Variants in ABCA4 observed in about 807,000 individuals in gnomAD.
The protein encoded by ABCA4 is retinal-specific phospholipid-transporting ATPase ABCA4.
ABCA4 carries 196 observed loss-of-function variants against 263.7 expected under a neutral mutation model. The observed-to-expected ratio is 0.74, with a 90% CI of 0.66 to 0.84. The LOEUF is 0.84. Ranked by LOEUF, ABCA4 falls within the 40% of genes least tolerant of loss-of-function variation. The pLI, the probability that ABCA4 is intolerant of heterozygous loss-of-function variation, is 0.00. For synonymous variants in ABCA4, 1,133 were observed against 1,094.2 expected (o/e 1.04, Z -0.70); for missense variants, 2,792 against 2,855.1 (o/e 0.98, Z 0.50).
At position 94,019,562 on chromosome 1, in the gene ABCA4, C is replaced by A. The variant is rs55715124; in HGVS notation, c.5196+20G>T. On this transcript the variant is annotated intron_variant, in intron 36 of 49. Coordinates refer to ENST00000370225, the MANE Select transcript of ABCA4 (RefSeq NM_000350.3). ...CTTGGGCCCACGGAGGGGAGGGAGG[C>A]GCTGTAAACTGACACTTACGATGTC... 16 of 1,584,026 alleles carry A rather than the reference C, an allele frequency of 1.0e-5. No individual in the cohort carries two copies. The highest frequency in any genetic ancestry group is 1.3e-5 in the African/African-American group (1 of 74,140).
At chr1:94,073,048 T>C (rs927740779) in intron 11 of ABCA4, among the ~76,000 whole-genome samples, 1 of 152,108 alleles carries the variant, frequency 6.6e-6, no homozygotes, top group African/African-American at 2.4e-5. Flanking sequence ...AGCAACATCC[T>C]TGCTTTCAGA....
In ABCA4 at chr1:94,055,322, T is replaced by C. The variant is rs771054286; in HGVS notation, c.2383-7A>G. ...CCACCGGAGACAGTAAGCTCTGCAGTGAGGCGGAGAGGGCACAGAAAAAGA... is the reference window on the plus strand; with the variant it reads ...CCACCGGAGACAGTAAGCTCTGCAGCGAGGCGGAGAGGGCACAGAAAAAGA... On this transcript the variant is annotated splice_region_variant and splice_polypyrimidine_tract_variant and intron_variant, in intron 15 of 49. Transcript: ENST00000370225. 2 of 1,612,326 alleles carry C rather than the reference T, an allele frequency of 1.2e-6. No homozygotes were observed. Among genetic ancestry groups the C allele is most frequent in the Non-Finnish European group, 1.7e-6 (2 of 1,179,452 alleles).
chr1:94,005,782 A>G (rs767316055), intron 43 of ABCA4, among the ~76,000 whole-genome samples, 200 bp from the exon 44 acceptor site: 1 of 152,226 alleles, frequency 6.6e-6, no homozygotes, highest in Non-Finnish European at 1.5e-5. Context: ...AGATTCTTCC[A>G]TGTTTCCATG....
At chr1:94,045,235 T>C (rs1228225397) in intron 19 of ABCA4, among the ~76,000 whole-genome samples, 2 of 152,130 alleles carry the variant, frequency 1.3e-5, no homozygotes, top group South Asian at 4.2e-4. Flanking sequence ...TGCTGATTAA[T>C]TGATCGAAGC....
intron 26 of ABCA4, 61 bp from the exon 27 acceptor site, chr1:94,032,104 C>T (rs1393444272): frequency 7.5e-6 from 12 of 1,591,418 alleles, no homozygotes; most frequent in Non-Finnish European, 1.0e-5. Flanking sequence ...ATCTCTAATG[C>T]CATTTTTTTT....
chr1:94,036,082 T>G (rs1039081815), intron 26 of ABCA4, among the ~76,000 whole-genome samples: 2 of 152,058 alleles, frequency 1.3e-5, no homozygotes, highest in South Asian at 2.1e-4. Context: ...CTGCCAGCTG[T>G]CACTCATGCA....
intron 11 of ABCA4, among the ~76,000 whole-genome samples, chr1:94,071,856 GAAAT>G (rs1231861284): frequency 6.6e-6 from 1 of 152,186 alleles, no homozygotes; most frequent in African/African-American, 2.4e-5. Flanking sequence ...CATGGCTCTT[GAAAT>G]AATATTGTTT....
In ABCA4 at chr1:94,084,415, T is replaced by C. The variant is rs17111021; in HGVS notation, c.769-974A>G. On this transcript the variant is annotated intron_variant, in intron 6 of 49. Coordinates refer to ENST00000370225, the MANE Select transcript of ABCA4 (RefSeq NM_000350.3). Reference sequence around the variant, plus strand: ...CCAGCACAGTTCTCCTAAATGATCATTGGGCTGACCTAACTTGCATCAGTG... The same window carrying C: ...CCAGCACAGTTCTCCTAAATGATCACTGGGCTGACCTAACTTGCATCAGTG... 7.1e-3 allele frequency among the ~76,000 whole-genome samples: 1,080 copies of C among 152,328 alleles called. 13 individuals carry two copies. The highest frequency in any genetic ancestry group is 0.046 in the East Asian group (239 of 5,174).
Position 94,078,679 on chromosome 1 carries a change from G to A in ABCA4, c.1267C>T (p.His423Tyr), listed in dbSNP as rs138044729. The A allele has an allele frequency of 2.3e-4, 364 of 1,612,134 alleles. 1 individual carries two copies. The highest frequency in any genetic ancestry group is 2.9e-4 in the Non-Finnish European group (344 of 1,179,104). ...CAGGCTTTGACCAACTTCCTAACGT[G>A]TTCCAGTTCTTCAAAAGTTGAGTTG... Reference protein sequence around the residue: ...NANSTFEELEHVRKLVKAWEE... With the variant: ...NANSTFEELEYVRKLVKAWEE... The change falls in exon 10 of 50, where the codon CAC becomes TAC. Residue 423 changes from histidine to tyrosine, a missense_variant. By Grantham distance (83) the His-to-Tyr change is moderately conservative. Coordinates refer to ENST00000370225, the MANE Select transcript of ABCA4 (RefSeq NM_000350.3).
chr1:94,036,610 C>T (rs181293428), intron 26 of ABCA4, 130 bp downstream of exon 26: 1 of 946,648 alleles, frequency 1.1e-6, no homozygotes, highest in African/African-American at 1.6e-5. Flanking sequence ...CTCAGGTGGT[C>T]CATCTGCCTT....
chr1:94,095,290 C>G (rs572690802), intron 6 of ABCA4, among the ~76,000 whole-genome samples: 2 of 151,610 alleles, frequency 1.3e-5, no homozygotes, highest in Non-Finnish European at 2.9e-5. Flanking sequence ...CCCAGCGCCC[C>G]CCTCCGATTC....
chr1:94,103,852 T>C (rs190831337), intron 4 of ABCA4, among the ~76,000 whole-genome samples: 1 of 152,290 alleles, frequency 6.6e-6, no homozygotes, highest in East Asian at 1.9e-4. Flanking sequence ...GGGGCTTGCC[T>C]GATGAGCCCT....
intron 11 of ABCA4, among the ~76,000 whole-genome samples, chr1:94,067,132 T>G (rs544536388): frequency 6.6e-6 from 1 of 152,320 alleles, no homozygotes; most frequent in African/African-American, 2.4e-5. Context: ...AATATAACTC[T>G]GCATCCTACC....
chr1:94,041,304 T>C lies in ABCA4; in HGVS notation c.3427A>G (p.Thr1143Ala). The change falls in exon 23 of 50, where the codon ACC (threonine) becomes GCC (alanine). Residue 1143 changes from threonine (T) to alanine (A), a missense_variant. By Grantham distance (58) the Thr-to-Ala change is moderately conservative. Transcript: ENST00000370225. Reference sequence around the variant, plus strand: ...AAGCAGTTCTTCAGGAAGAGTGGGGTGCCTGAGCAGTAGAGCCTTCCCTGG... The same window carrying C: ...AAGCAGTTCTTCAGGAAGAGTGGGGCGCCTGAGCAGTAGAGCCTTCCCTGG... ...IAQGRLYCSG[T>A]PLFLKNCFGT... The C allele has an allele frequency of 6.2e-7, 1 of 1,613,950 alleles. No individual in the cohort carries two copies. The highest frequency in any genetic ancestry group is 8.5e-7 in the Non-Finnish European group (1 of 1,179,990).
At chr1:94,062,522 ACTCCAG>A in intron 13 of ABCA4, 49 bp downstream of exon 13, 4 of 1,083,442 alleles carry the variant, frequency 3.7e-6, no homozygotes, top group East Asian at 3.3e-5. Flanking sequence ...ACCCCAGCCC[ACTCCAG>A]CACCCCCATT....
intron 30 of ABCA4, among the ~76,000 whole-genome samples, chr1:94,028,816 C>T (rs76019732): frequency 7.3e-6 from 1 of 136,144 alleles, no homozygotes; most frequent in East Asian, 2.3e-4. Context: ...GGGGCTGAGG[C>T]ACAAGAATTG....
At chr1:93,993,874 T>C (rs1026133806) in intron 49 of ABCA4, among the ~76,000 whole-genome samples, 1 of 152,078 alleles carries the variant, frequency 6.6e-6, no homozygotes, top group Non-Finnish European at 1.5e-5. Context: ...CAATGCCCGC[T>C]GTGGAGCTGG....
chr1:94,044,890 G>T (rs1660631150), intron 19 of ABCA4, 146 bp from the exon 20 acceptor site: 38 of 1,155,224 alleles, frequency 3.3e-5, no homozygotes, highest in South Asian at 5.1e-5. Flanking sequence ...TAGCTGTGGG[G>T]CCCCCTTAGC....
chr1:94,029,781 A>G, intron 29 of ABCA4, 150 bp from the exon 30 acceptor site: 2 of 799,462 alleles, frequency 2.5e-6, no homozygotes, highest in East Asian at 5.3e-5. Context: ...CTGCTCAAGC[A>G]ATATCAAAAC....
Sources: allele counts gnomAD v4.1 joint callset (sites outside exome capture counted in the v4.1 genomes callset), GRCh38; gene constraint gnomAD v4.1.1; transcripts MANE v1.5; gene names NCBI Gene and HGNC (gene_info 2026-07-23, HGNC 2026-07-21).